Variants in CCDC33 observed in about 807,000 individuals in gnomAD.
CCDC33 encodes coiled-coil domain-containing protein 33.
A neutral mutation model predicts 91.9 loss-of-function variants in CCDC33; 94 were observed. The ratio of observed to expected loss-of-function variants is 1.02; its 90% CI spans 0.87 to 1.21. The LOEUF (loss-of-function observed/expected upper bound fraction) is 1.21. CCDC33 is among the 50% of genes most tolerant of loss of function. The pLI is 0.00. For missense variants in CCDC33, 940 were observed against 935.5 expected (o/e 1.00, Z -0.06); for synonymous variants, 396 against 374.5 (o/e 1.06, Z -0.66).
intron 7 of CCDC33, among the ~76,000 whole-genome samples, chr15:74,277,615 C>G (rs569466990): frequency 6.6e-6 from 1 of 152,366 alleles, no homozygotes; most frequent in African/African-American, 2.4e-5. Flanking sequence ...GCCACAGTAC[C>G]CTCACCAGGG....
At chr15:74,311,192 T>G (rs2059987261) in intron 11 of CCDC33, among the ~76,000 whole-genome samples, 1 of 152,048 alleles carries the variant, frequency 6.6e-6, no homozygotes, top group Admixed American at 6.5e-5. Flanking sequence ...CTAAAGATGG[T>G]CTAGGCCTCC....
chr15:74,223,764 A>ACACG (rs1447839280), intron 2 of CCDC33, among the ~76,000 whole-genome samples: 22 of 92,694 alleles, frequency 2.4e-4, no homozygotes, highest in Admixed American at 5.9e-4. Flanking sequence ...ACACACACAC[A>ACACG]CGCAAGCATG....
intron 1 of CCDC33, among the ~76,000 whole-genome samples, chr15:74,243,161 G>A (rs967800848): frequency 7.2e-5 from 11 of 152,352 alleles, no homozygotes; most frequent in African/African-American, 2.2e-4. Flanking sequence ...TCCCTAGTCC[G>A]CAAGTTTCCT....
upstream of CCDC33, among the ~76,000 whole-genome samples, chr15:74,216,108 A>G (rs1355075190): frequency 6.6e-6 from 1 of 152,084 alleles, no homozygotes. Context: ...GTCACTTCAA[A>G]TATGCAAGGG....
chr15:74,271,557 A>C, intron 5 of CCDC33, 146 bp from the exon 6 acceptor site: 1 of 612,350 alleles, frequency 1.6e-6, no homozygotes, highest in South Asian at 2.0e-5. Flanking sequence ...CGAGTAAGGC[A>C]GGGAACAGGG....
intron 7 of CCDC33, among the ~76,000 whole-genome samples, chr15:74,276,334 G>A (rs1020264001): frequency 2.0e-5 from 3 of 152,310 alleles, no homozygotes; most frequent in African/African-American, 7.2e-5. Context: ...AGGGTGGGCC[G>A]TGTAAGTTAC....
chr15:74,289,760 CT>C (rs1330399493), intron 10 of CCDC33, among the ~76,000 whole-genome samples: 1 of 150,026 alleles, frequency 6.7e-6, no homozygotes, highest in Non-Finnish European at 1.5e-5. Flanking sequence ...ACACCCCAGC[CT>C]GGGCAACAGA....
rs749657011 is a variant in CCDC33, at chr15:74,243,741, G to A, written c.22-244G>A. ...GGAGGCCGAGGCAGGCAGATCACCT[G>A]AGGTCAGGAGTTTGAGACCATGGGG... On this transcript the variant is annotated intron_variant, in intron 1 of 18. Transcript: ENST00000398814. 12 of 537,528 alleles carry A rather than the reference G, an allele frequency of 2.2e-5. No individual in the cohort carries two copies. The East Asian group carries it at 5.5e-4, about 25-fold the overall frequency. The allele number at this position is 537,528 out of a possible 1,614,324, so 33.3% of individuals were successfully genotyped here. A position where few individuals can be genotyped will look rare whatever the true frequency, so the allele number is the denominator to read the frequency against.
intron 1 of CCDC33, among the ~76,000 whole-genome samples, chr15:74,237,221 G>A (rs893439561): frequency 6.6e-6 from 1 of 152,368 alleles, no homozygotes; most frequent in African/African-American, 2.4e-5. Flanking sequence ...ATTTTTGTGT[G>A]TTTTGTTGAT....
chr15:74,325,464 G>A (rs1387710890), intron 11 of CCDC33, among the ~76,000 whole-genome samples: 2 of 152,058 alleles, frequency 1.3e-5, no homozygotes, highest in East Asian at 1.9e-4. Flanking sequence ...TAGACCTGGG[G>A]CTAGGAAAAG....
intron 11 of CCDC33, chr15:74,311,625 G>C (rs1456862657): frequency 2.6e-5 from 4 of 152,248 alleles, no homozygotes; most frequent in Admixed American, 2.6e-4. Context: ...ATTCAAGCTG[G>C]TGTTAGGGGA....
chr15:74,209,440 T>C (rs2074334714), exon 2 of CCDC33: 2 of 1,535,540 alleles, frequency 1.3e-6, no homozygotes, highest in Admixed American at 2.0e-5. Flanking sequence ...CGGCTCTTAA[T>C]AACCGGATCT....
At chr15:74,242,927 C>G (rs1192728594) in intron 1 of CCDC33, among the ~76,000 whole-genome samples, 1 of 152,202 alleles carries the variant, frequency 6.6e-6, no homozygotes, top group Non-Finnish European at 1.5e-5. Flanking sequence ...CTGCTCCTGG[C>G]CTGTCCTCCC....
intron 1 of CCDC33, among the ~76,000 whole-genome samples, chr15:74,242,128 C>T (rs772326198): frequency 3.9e-5 from 6 of 152,238 alleles, no homozygotes; most frequent in Non-Finnish European, 7.3e-5. Flanking sequence ...CCTTTTCTTT[C>T]TGTCTGCCTG....
At chr15:74,266,855 C>G in intron 4 of CCDC33, 68 bp downstream of exon 4, 1 of 1,204,476 alleles carries the variant, frequency 8.3e-7, no homozygotes, top group Non-Finnish European at 1.2e-6. Context: ...CCCAGCTATT[C>G]CCTCGGAGCA....
At chr15:74,217,088 TGG>T, upstream of CCDC33, 1 of 293,742 alleles carries the variant, frequency 3.4e-6, no homozygotes, top group South Asian at 3.5e-5. Context: ...AAGGGATCGA[TGG>T]AAAAAAACTT....
intron 2 of CCDC33, among the ~76,000 whole-genome samples, chr15:74,257,416 A>C (rs1384648866): frequency 6.6e-6 from 1 of 152,200 alleles, no homozygotes; most frequent in Admixed American, 6.5e-5. Context: ...TCCCTGCCTC[A>C]GATCTCAGCT....
intron 2 of CCDC33, among the ~76,000 whole-genome samples, chr15:74,251,574 C>T (rs989416698): frequency 6.6e-6 from 1 of 152,216 alleles, no homozygotes; most frequent in Non-Finnish European, 1.5e-5. Flanking sequence ...AGCCAGGACT[C>T]GAAGGGGAAG....
Position 74,281,796 on chromosome 15 carries a change from A to G in CCDC33, c.1042A>G (p.Ile348Val), listed in dbSNP as rs370364550. 15 of 1,614,004 alleles carry G rather than the reference A, an allele frequency of 9.3e-6. No homozygotes were observed. In the South Asian group the frequency reaches 1.3e-4, roughly 14 times the overall value. The change falls in exon 10 of 19, where the codon ATC becomes GTC. Residue 348 changes from isoleucine (I) to valine (V), a missense_variant. By Grantham distance (29) the Ile-to-Val change is conservative (BLOSUM62 3). Coordinates refer to ENST00000398814, the MANE Select transcript of CCDC33 (RefSeq NM_025055.5). ...TCCCCAGGACACCAGCCTGAAAACT[A>G]TCAATGATGAGGCCCCCACAGTGGC... ...LPIMDTSLKT[I>V]NDEAPTVALS... is the part of the protein sequence containing the mutation.
Sources: gnomAD v4.1 joint callset for allele counts (sites outside exome capture counted in the v4.1 genomes callset) on GRCh38, gnomAD v4.1.1 for gene constraint, MANE v1.5 for transcripts, NCBI Gene and HGNC (gene_info 2026-07-23, HGNC 2026-07-21) for gene names.